Variants in DNAH2 observed in about 807,000 individuals in gnomAD.
DNAH2 encodes axonemal beta dynein heavy chain 2.
A neutral mutation model predicts 523.5 loss-of-function variants in DNAH2; 323 were observed. That is an observed-to-expected ratio of 0.62 (90% CI 0.56 to 0.68). The LOEUF (loss-of-function observed/expected upper bound fraction) is 0.68, where lower values mean the gene tolerates loss of function less well. Ranked by LOEUF, DNAH2 falls within the 30% of genes least tolerant of loss-of-function variation. DNAH2 has a pLI of 0.00. For missense variants in DNAH2, 4,907 were observed against 5,701.5 expected (o/e 0.86, Z 4.49); for synonymous variants, 2,093 against 2,177.4 (o/e 0.96, Z 1.08).
intron 70 of DNAH2, 31 bp downstream of exon 70, chr17:7,818,807 C>G (rs759231812): frequency 6.2e-7 from 1 of 1,613,412 alleles, no homozygotes; most frequent in Non-Finnish European, 8.5e-7. Context: ...CCCACTGCCC[C>G]ACGGGTCTAC....
At chr17:7,804,868 G>T in intron 59 of DNAH2, 90 bp from the exon 60 acceptor site, 1 of 1,172,612 alleles carries the variant, frequency 8.5e-7, no homozygotes, top group Non-Finnish European at 1.2e-6. Flanking sequence ...AAATTCTTTA[G>T]CTTTCTCTTT....
Position 7,735,331 on chromosome 17 carries a change from G to A in DNAH2, c.978+623G>A, listed in dbSNP as rs148030596. 1.6e-3 allele frequency among the ~76,000 whole-genome samples: 247 copies of A among 152,196 alleles called. 1 individual carries two copies. Among genetic ancestry groups the A allele is most frequent in the African/African-American group, 5.7e-3 (236 of 41,514 alleles). Reference sequence around the variant, plus strand: ...TTTTTAGTAGAGACGGGGTTTCACCGTGTTAGTCAGGCTGGTCTCAAATGC... The same window carrying A: ...TTTTTAGTAGAGACGGGGTTTCACCATGTTAGTCAGGCTGGTCTCAAATGC... On this transcript the variant is annotated intron_variant, in intron 7 of 85. Coordinates refer to ENST00000572933, the MANE Select transcript of DNAH2 (RefSeq NM_020877.5).
In DNAH2 at chr17:7,750,344, C is replaced by T. The variant is rs140716709; in HGVS notation, c.1905-6747C>T. Among the ~76,000 whole-genome samples the T allele has an allele frequency of 5.8e-3, 881 of 152,244 alleles. 5 individuals are homozygous for T. The highest frequency in any genetic ancestry group is 0.018 in the African/African-American group (760 of 41,538). Reference sequence around the variant, plus strand: ...TTTTTTCCTGTCCTCCTGCTTCTGTCCAGCTGGTGTTGTTTTCAAGGCCTG... The same window carrying T: ...TTTTTTCCTGTCCTCCTGCTTCTGTTCAGCTGGTGTTGTTTTCAAGGCCTG... On this transcript the variant is annotated intron_variant, in intron 12 of 85. Coordinates refer to ENST00000572933, the MANE Select transcript of DNAH2 (RefSeq NM_020877.5).
intron 72 of DNAH2, among the ~76,000 whole-genome samples, chr17:7,820,311 T>A (rs1250239828): frequency 2.0e-5 from 3 of 152,102 alleles, no homozygotes; most frequent in African/African-American, 7.2e-5. Flanking sequence ...CAACCCACCC[T>A]CCTGTATTGC....
intron 12 of DNAH2, among the ~76,000 whole-genome samples, chr17:7,752,194 C>CACACACACACACACACAT (rs1260874729): frequency 6.6e-6 from 1 of 151,556 alleles, no homozygotes; most frequent in Non-Finnish European, 1.5e-5. Context: ...CACACACACA[C>CACACACACACACACACAT]AATTTCTGAT....
chr17:7,782,869 TA>T (rs1421153373), intron 39 of DNAH2, among the ~76,000 whole-genome samples: 1 of 37,960 alleles, frequency 2.6e-5, no homozygotes, highest in East Asian at 4.9e-4. Flanking sequence ...CAAAAGCTAC[TA>T]GAAAAACGTG....
At position 7,833,080 on chromosome 17, in the gene DNAH2, T is replaced by G; in HGVS notation, c.12988T>G (p.Trp4330Gly). The G allele has an allele frequency of 6.2e-7, 1 of 1,613,348 alleles. No homozygotes were observed. The highest frequency in any genetic ancestry group is 8.5e-7 in the Non-Finnish European group (1 of 1,179,960). Residue 4330 changes from tryptophan (W) to glycine (G), a missense_variant, in exon 85 of 86, where the codon TGG (tryptophan) becomes GGG (glycine). Physicochemically the swap from Trp to Gly is radical, Grantham distance 184. Coordinates refer to ENST00000572933, the MANE Select transcript of DNAH2 (RefSeq NM_020877.5). ...NLVYPPKDGV[W>G]VRGLYLEGAG... ...TCCCATTTCTCCCCAGGATGGTGTC[T>G]GGGTCCGGGGCCTGTACCTGGAAGG... is the stretch of plus-strand genomic sequence containing the variant.
At chr17:7,766,640 CTTTTT>C (rs58072098) in intron 22 of DNAH2, among the ~76,000 whole-genome samples, 159 bp downstream of exon 22, 3 of 84,430 alleles carry the variant, frequency 3.6e-5, no homozygotes, top group African/African-American at 9.2e-5. Flanking sequence ...AAAATTAATC[CTTTTT>C]TTTTTTTTTT....
chr17:7,743,362 A>G, intron 12 of DNAH2: 1 of 710,348 alleles, frequency 1.4e-6, no homozygotes, highest in Non-Finnish European at 2.6e-6. Context: ...ATCTTAAAAC[A>G]CAACAAAACA....
Position 7,760,756 on chromosome 17 carries a change from C to T in DNAH2, c.2802C>T (p.Ile934=), listed in dbSNP as rs1201526673. 18 of 1,613,720 alleles carry T rather than the reference C, an allele frequency of 1.1e-5. No homozygotes were observed. The highest frequency in any genetic ancestry group is 1.5e-5 in the Non-Finnish European group (18 of 1,179,820). ...IQTVVEQDED[I]KKIQTQISSG... ...CCTTTGAAGAGCAAGATGAGGACAT[C>T]AAGAAGATCCAGACCCAAATCAGCA... is the stretch of plus-strand genomic sequence containing the variant. The change falls in exon 18 of 86, where the codon ATC becomes ATT. Residue 934 remains isoleucine (I), a synonymous_variant. Coordinates refer to ENST00000572933, the MANE Select transcript of DNAH2 (RefSeq NM_020877.5). This position sits in a 1 kb window ranked among gnomAD's most constrained non-coding sequence, Gnocchi z 4.0.
At position 7,786,017 on chromosome 17, in the gene DNAH2, C is replaced by T. The variant is rs2076723234; in HGVS notation, c.6130-107C>T. On this transcript the variant is annotated intron_variant, in intron 39 of 85. Coordinates refer to ENST00000572933, the MANE Select transcript of DNAH2 (RefSeq NM_020877.5). The surrounding 1 kb of genome is among the most constrained non-coding windows in gnomAD (Gnocchi z 7.5). ...GCCGGAGTGCAGAGGGCCCTGGTGC[C>T]ATTTTTAACAGTTTGAACGTATTCT... The T allele has an allele frequency of 8.3e-7, 1 of 1,202,664 alleles. No individual in the cohort carries two copies. The highest frequency in any genetic ancestry group is 1.2e-6 in the Non-Finnish European group (1 of 852,074). 74.5% of individuals were successfully genotyped at this position (1,202,664 alleles called of 1,614,324 possible).
Position 7,797,169 on chromosome 17 carries a change from T to C in DNAH2, c.7864-7T>C. 2 of 1,612,702 alleles carry C rather than the reference T, an allele frequency of 1.2e-6. No individual in the cohort carries two copies. The highest frequency in any genetic ancestry group is 1.7e-6 in the Non-Finnish European group (2 of 1,179,328). ...TCCCTGGTCCCAACAGTCAGTCCTC[T>C]TCCCAGGTGTTCCAGGGCATGCTTA... On this transcript the variant is annotated splice_region_variant and splice_polypyrimidine_tract_variant and intron_variant, in intron 50 of 85. Transcript: ENST00000572933.
chr17:7,771,369 A>G lies in DNAH2; in HGVS notation c.4402A>G (p.Asn1468Asp), dbSNP rs1270875699. The G allele has an allele frequency of 6.2e-7, 1 of 1,614,130 alleles. No individual in the cohort carries two copies. The highest frequency in any genetic ancestry group is 8.5e-7 in the Non-Finnish European group (1 of 1,180,032). The part of the protein sequence containing the change: ...LGEDIRKQLP[N>D]ESTLFDQVNS... ...AGAAGACATCCGCAAGCAGCTGCCCAATGAATCGACCTTATTTGACCAGGT... is the reference window on the plus strand; with the variant it reads ...AGAAGACATCCGCAAGCAGCTGCCCGATGAATCGACCTTATTTGACCAGGT... The change falls in exon 28 of 86, where the codon AAT becomes GAT. Residue 1468 changes from asparagine to aspartate, a missense_variant. By Grantham distance (23) the Asn-to-Asp change is conservative. Around this residue, in one of 3 missense-constraint regions of DNAH2, gnomAD observed 2,806 missense variants for 3,190.8 expected, o/e 0.88. Coordinates refer to ENST00000572933, the MANE Select transcript of DNAH2 (RefSeq NM_020877.5).
At chr17:7,788,778 A>AT (rs1413437576) in intron 44 of DNAH2, among the ~76,000 whole-genome samples, 3 of 152,250 alleles carry the variant, frequency 2.0e-5, no homozygotes, top group African/African-American at 7.2e-5. Flanking sequence ...GTTTTTAAAG[A>AT]TGTTGCTAGG....
chr17:7,771,043 C>T (rs2076300566), intron 27 of DNAH2, 110 bp downstream of exon 27: 2 of 1,233,790 alleles, frequency 1.6e-6, no homozygotes, highest in Admixed American at 5.0e-5. Flanking sequence ...TTTAAAGTCA[C>T]TCTTCATCTA....
intron 52 of DNAH2, 56 bp downstream of exon 52, chr17:7,797,586 G>A: frequency 6.2e-7 from 1 of 1,613,988 alleles, no homozygotes; most frequent in Non-Finnish European, 8.5e-7. Context: ...ATCGGGGCTA[G>A]AAGGAGTCAG....
intron 56 of DNAH2, among the ~76,000 whole-genome samples, chr17:7,800,858 C>G (rs2077203261): frequency 6.9e-6 from 1 of 145,852 alleles, no homozygotes; most frequent in South Asian, 2.2e-4. Context: ...GAGTGAAAGA[C>G]TCCGTCTCAA....
At chr17:7,739,692 T>A (rs775174038) in intron 8 of DNAH2, 41 bp from the exon 9 acceptor site, 2 of 1,590,650 alleles carry the variant, frequency 1.3e-6, no homozygotes, top group Non-Finnish European at 1.7e-6. Flanking sequence ...CTTTGGAGTT[T>A]GGAAGGAAAG....
At chr17:7,788,453 G>A (rs553193091) in intron 44 of DNAH2, among the ~76,000 whole-genome samples, 5 of 152,268 alleles carry the variant, frequency 3.3e-5, no homozygotes, top group South Asian at 2.1e-4. Context: ...GAGCTGAAAG[G>A]TCTGACTAGG....
Sources: gnomAD v4.1 joint callset for allele counts (sites outside exome capture counted in the v4.1 genomes callset) on GRCh38, gnomAD v4.1.1 for gene constraint, gnomAD v4.1.1 regional missense constraint, Gnocchi (gnomAD v3.1) non-coding constraint, MANE v1.5 for transcripts, NCBI Gene and HGNC (gene_info 2026-07-23, HGNC 2026-07-21) for gene names.